The following CEP85 variants were observed in gnomAD, a reference collection of about 807,000 sequenced individuals.
CEP85 encodes the protein centrosomal protein 85.
A neutral mutation model predicts 93.7 loss-of-function variants in CEP85; 58 were observed. The observed-to-expected ratio is 0.62, with a 90% CI of 0.50 to 0.77. CEP85 has a LOEUF of 0.77. Among genes scored for constraint, CEP85 ranks in the 30% least tolerant of loss-of-function variants. The pLI, the probability that CEP85 is intolerant of heterozygous loss-of-function variation, is 0.00. For synonymous variants in CEP85, 314 were observed against 338.6 expected (o/e 0.93, Z 0.80); for missense variants, 868 against 922.0 (o/e 0.94, Z 0.76).
chr1:26,258,059 C>T (rs949350957), intron 5 of CEP85, 84 bp from the exon 6 acceptor site: 11 of 877,532 alleles, frequency 1.3e-5, no homozygotes, highest in African/African-American at 6.7e-5. Flanking sequence ...ATCTTGCTTA[C>T]GTAATAGGGA....
chr1:26,241,618 G>A (rs918977887), intron 2 of CEP85, among the ~76,000 whole-genome samples: 9 of 152,052 alleles, frequency 5.9e-5, no homozygotes, highest in African/African-American at 2.2e-4. Context: ...TGACAATTAT[G>A]TATATAATGC....
At position 26,276,723 on chromosome 1, in the gene CEP85, C is replaced by T; in HGVS notation, c.2091C>T (p.Gly697=). The change falls in exon 13 of 14, where the codon GGC becomes GGT. Residue 697 remains glycine (G), a synonymous_variant. Coordinates refer to ENST00000451429, the MANE Select transcript of CEP85 (RefSeq NM_001319944.2). ...GCATTGTGACCCAGAGGGCCCAGGG[C>T]CATGACCCCAATCTCTCCCTGCTCC... ...VCSIVTQRAQ[G]HDPNLSLLLG... The T allele has an allele frequency of 6.2e-7, 1 of 1,614,122 alleles. No individual in the cohort carries two copies. The highest frequency in any genetic ancestry group is 8.5e-7 in the Non-Finnish European group (1 of 1,180,002).
At chr1:26,235,636 G>A (rs942747546) in intron 1 of CEP85, among the ~76,000 whole-genome samples, 1 of 147,384 alleles carries the variant, frequency 6.8e-6, no homozygotes, top group Admixed American at 6.9e-5. Context: ...GCCGTGGCGC[G>A]ATGTCGGCTC....
At chr1:26,273,821 T>A (rs1235787526) in intron 11 of CEP85, among the ~76,000 whole-genome samples, 2 of 151,750 alleles carry the variant, frequency 1.3e-5, no homozygotes, top group Non-Finnish European at 2.9e-5. Context: ...TGTTTGAACC[T>A]GGGAGGTGGA....
intron 3 of CEP85, among the ~76,000 whole-genome samples, chr1:26,248,873 C>T (rs2089555998): frequency 1.3e-5 from 2 of 150,488 alleles, no homozygotes; most frequent in South Asian, 4.2e-4. Flanking sequence ...ACTACAGGCA[C>T]CCGCCACTAC....
intron 3 of CEP85, among the ~76,000 whole-genome samples, chr1:26,247,639 T>TTTTG (rs1241017170): frequency 1.3e-5 from 2 of 152,046 alleles, no homozygotes; most frequent in East Asian, 1.9e-4. Context: ...TAATTTTAGT[T>TTTTG]TTTGTTTGTT....
intron 2 of CEP85, 52 bp downstream of exon 2, chr1:26,239,890 T>G (rs764064270): frequency 1.5e-6 from 2 of 1,329,634 alleles, no homozygotes; most frequent in South Asian, 2.4e-5. Flanking sequence ...TTCTGTTTTT[T>G]CATATTCCTT....
Position 26,277,196 on chromosome 1 carries a change from A to G in CEP85, c.2189A>G (p.Glu730Gly), listed in dbSNP as rs201442305. 7 of 1,614,166 alleles carry G rather than the reference A, an allele frequency of 4.3e-6. No homozygotes were observed. The highest frequency in any genetic ancestry group is 1.3e-5 in the African/African-American group (1 of 75,058). The change falls in exon 14 of 14, where the codon GAA (glutamate) becomes GGA (glycine). Residue 730 changes from glutamate (E) to glycine (G), a missense_variant. Glu to Gly is a moderately conservative substitution (Grantham distance 98). Coordinates refer to ENST00000451429, the MANE Select transcript of CEP85 (RefSeq NM_001319944.2). Reference sequence around the variant, plus strand: ...CCAGATGTGATCAAGAGGAAACTAGAAGAGGTTCAACAGCTGCGTCGTGAC... The same window carrying G: ...CCAGATGTGATCAAGAGGAAACTAGGAGAGGTTCAACAGCTGCGTCGTGAC... ...QKPDVIKRKL[E>G]EVQQLRRDIE...
At chr1:26,243,373 G>A (rs933591775) in intron 2 of CEP85, among the ~76,000 whole-genome samples, 2 of 152,006 alleles carry the variant, frequency 1.3e-5, no homozygotes, top group African/African-American at 4.8e-5. Context: ...AAACCATTCT[G>A]TAATGTATAG....
At chr1:26,241,350 C>T (rs1457102218) in intron 2 of CEP85, among the ~76,000 whole-genome samples, 2 of 146,186 alleles carry the variant, frequency 1.4e-5, no homozygotes, top group African/African-American at 2.5e-5. Flanking sequence ...TCATGCCATT[C>T]TCCTGCCTCA....
chr1:26,249,655 G>A (rs888472959), intron 3 of CEP85, among the ~76,000 whole-genome samples: 19 of 152,124 alleles, frequency 1.2e-4, no homozygotes, highest in Admixed American at 9.8e-4. Flanking sequence ...AATCACTTCA[G>A]GTGTAGACTG....
chr1:26,238,980 C>T (rs932367574), intron 1 of CEP85, among the ~76,000 whole-genome samples: 1 of 152,168 alleles, frequency 6.6e-6, no homozygotes, highest in African/African-American at 2.4e-5. Context: ...ACTTTAATTA[C>T]TGGAAGAATT....
Position 26,273,901 on chromosome 1 carries a change from A to T in CEP85, c.1795-1063A>T, listed in dbSNP as rs10902730. On this transcript the variant is annotated intron_variant, in intron 11 of 13. Coordinates refer to ENST00000451429, the MANE Select transcript of CEP85 (RefSeq NM_001319944.2). ...GGGCGACAGAGTGAAACCCCATCTC[A>T]AAATAAATAAATAAATAAATAAATA... Among the ~76,000 whole-genome samples, 301 of 141,458 alleles carry T rather than the reference A, an allele frequency of 2.1e-3. 12 individuals carry two copies. The highest frequency in any genetic ancestry group is 2.8e-3 in the Admixed American group (40 of 14,268). The allele number at this position is 141,458 out of a possible 152,430, so 92.8% of individuals were successfully genotyped here. A position where few individuals can be genotyped will look rare whatever the true frequency, so the allele number is the denominator to read the frequency against.
chr1:26,248,565 G>T (rs1428511543), intron 3 of CEP85, among the ~76,000 whole-genome samples: 1 of 151,526 alleles, frequency 6.6e-6, no homozygotes, highest in Non-Finnish European at 1.5e-5. Context: ...GCCCAATCTC[G>T]GCTCACTGTA....
intron 13 of CEP85, 97 bp from the exon 14 acceptor site, chr1:26,277,039 A>G: frequency 1.6e-6 from 2 of 1,287,372 alleles, no homozygotes; most frequent in South Asian, 2.6e-5. Context: ...GCATGTCCCA[A>G]GACTGTGGGT....
At chr1:26,255,043 T>C (rs1311737002) in intron 3 of CEP85, 128 bp from the exon 4 acceptor site, 17 of 757,166 alleles carry the variant, frequency 2.2e-5, no homozygotes, top group African/African-American at 3.5e-5. Flanking sequence ...TCTTTCTGCC[T>C]GATACTTTTG....
chr1:26,270,045 G>C (rs1327063735), intron 9 of CEP85, among the ~76,000 whole-genome samples: 1 of 151,966 alleles, frequency 6.6e-6, no homozygotes, highest in Non-Finnish European at 1.5e-5. Context: ...CAAAGTGCTG[G>C]GATTACAGGT....
rs1375346165 is a variant in CEP85, at chr1:26,257,594, C to A, written c.904-3C>A. On this transcript the variant is annotated splice_polypyrimidine_tract_variant and splice_region_variant and intron_variant, in intron 4 of 13. Coordinates refer to ENST00000451429, the MANE Select transcript of CEP85 (RefSeq NM_001319944.2). ...AGCTCATCTGGGCCTACTTGCCTTT[C>A]AGCTTCAGAATGGAGCCATCTGCCA... 1 of 1,614,070 alleles carries A rather than the reference C, an allele frequency of 6.2e-7. No homozygotes were observed. The highest frequency in any genetic ancestry group is 1.7e-5 in the Admixed American group (1 of 60,018).
chr1:26,266,985 T>TTA lies in CEP85; in HGVS notation c.1342-1494_1342-1493dup, dbSNP rs2089903163. Among the ~76,000 whole-genome samples the TTA allele has an allele frequency of 2.0e-5, 3 of 152,312 alleles. No homozygotes were observed. The South Asian group carries it at 6.2e-4, about 32-fold the overall frequency. On this transcript the variant is annotated intron_variant, in intron 7 of 13. Coordinates refer to ENST00000451429, the MANE Select transcript of CEP85 (RefSeq NM_001319944.2). The stretch of plus-strand genomic sequence containing the variant: ...TATATTACCTTTCTGACCAAACTGG[T>TTA]TATATGTCTTATCAGAAAGTTATGT...
Sources: gnomAD v4.1 joint callset for allele counts (sites outside exome capture counted in the v4.1 genomes callset) on GRCh38, gnomAD v4.1.1 for gene constraint, MANE v1.5 for transcripts, NCBI Gene and HGNC (gene_info 2026-07-23, HGNC 2026-07-21) for gene names.